ERCC6: variants seen among roughly 807,000 people sequenced by gnomAD.
The protein encoded by ERCC6 is DNA excision repair protein ERCC-6.
A neutral mutation model predicts 158.7 loss-of-function variants in ERCC6; 116 were observed. That is an observed-to-expected ratio of 0.73 (90% CI 0.63 to 0.85). The LOEUF (loss-of-function observed/expected upper bound fraction) is 0.85. ERCC6 is among the 40% of genes least tolerant of loss of function. The probability of loss-of-function intolerance (pLI) is 0.00; values close to 1 mark genes in which losing one functional copy is unlikely to be tolerated. For missense variants in ERCC6, 1,698 were observed against 1,799.4 expected (o/e 0.94, Z 1.02); for synonymous variants, 678 against 659.3 (o/e 1.03, Z -0.43).
the ERCC6 span, among the ~76,000 whole-genome samples, chr10:49,443,888 G>C: frequency 6.6e-6 from 1 of 152,164 alleles, no homozygotes; most frequent in Non-Finnish European, 1.5e-5. Flanking sequence ...CCTATGACAT[G>C]CTGCTCAGAA....
intron 15 of ERCC6, 147 bp downstream of exon 15, chr10:49,472,762 G>A: frequency 3.1e-6 from 3 of 967,112 alleles, no homozygotes; most frequent in Admixed American, 5.0e-5. Context: ...TCTGAAGGGT[G>A]TCTTCTTTCA....
At chr10:49,511,793 A>G (rs1376881882) in intron 5 of ERCC6, among the ~76,000 whole-genome samples, 2 of 152,174 alleles carry the variant, frequency 1.3e-5, no homozygotes, top group Non-Finnish European at 2.9e-5. Flanking sequence ...AGAGAACCCA[A>G]CAACAGACAC....
At chr10:49,437,049 TG>T in the ERCC6 span, among the ~76,000 whole-genome samples, 2 of 152,274 alleles carry the variant, frequency 1.3e-5, no homozygotes, top group South Asian at 2.1e-4. Context: ...GATTGAATCA[TG>T]GGGGGTGGTT....
At chr10:49,466,054 C>G (rs75226363) in intron 18 of ERCC6, among the ~76,000 whole-genome samples, 2,234 of 152,186 alleles carry the variant, frequency 0.015, 47 homozygotes, top group African/African-American at 0.05. Flanking sequence ...ATAGAGTCAA[C>G]AAGGATGGGA....
chr10:49,459,042 G>C lies in ERCC6; in HGVS notation c.4255C>G (p.Leu1419Val), dbSNP rs1458365578. The change falls in exon 21 of 21, where the codon CTG becomes GTG. Residue 1419 changes from leucine to valine, a missense_variant. Physicochemically the swap from Leu to Val is conservative, Grantham distance 32 (BLOSUM62 1). Transcript: ENST00000355832. ...AGGTCATCGTGTTCTGTGGTGGGCA[G>C]CAGGGCAGAAGCTTCCTGCAGGTGC... ...SGHLQEASAL[L>V]PTTEHDDLLV... 6.2e-7 allele frequency: 1 copy of C among 1,614,210 alleles called. No homozygotes were observed. The highest frequency in any genetic ancestry group is 2.2e-5 in the East Asian group (1 of 44,876).
chr10:49,496,653 T>A (rs989265569), intron 7 of ERCC6, among the ~76,000 whole-genome samples: 1 of 151,976 alleles, frequency 6.6e-6, no homozygotes, highest in Non-Finnish European at 1.5e-5. Context: ...ACCTAAACTA[T>A]AAAAATTAGC....
chr10:49,511,573 C>T (rs1459878107), intron 5 of ERCC6, among the ~76,000 whole-genome samples: 4 of 152,062 alleles, frequency 2.6e-5, no homozygotes, highest in African/African-American at 4.8e-5. Context: ...TACAGGCATG[C>T]GCCACCATGT....
At chr10:49,463,218 C>G (rs1313660619) in intron 18 of ERCC6, among the ~76,000 whole-genome samples, 1 of 152,160 alleles carries the variant, frequency 6.6e-6, no homozygotes, top group African/African-American at 2.4e-5. Context: ...CACACATAGC[C>G]TGAAGGTAAT....
Position 49,471,129 on chromosome 10 carries a change from A to G in ERCC6, c.2925-9T>C, listed in dbSNP as rs377708780. 25 of 1,613,482 alleles carry G rather than the reference A, an allele frequency of 1.5e-5. No individual in the cohort carries two copies. Among genetic ancestry groups the G allele is most frequent in the Admixed American group, 6.7e-5 (4 of 60,002 alleles). ...ACTGCTTGAAGATTTGTCTAAAAAA[A>G]TAAAAGATAAGCTGGTATAAAACAA... is the stretch of plus-strand genomic sequence containing the variant. On this transcript the variant is annotated splice_polypyrimidine_tract_variant and intron_variant, in intron 16 of 20. Transcript: ENST00000355832.
At chr10:49,511,252 T>C (rs775502652) in intron 5 of ERCC6, among the ~76,000 whole-genome samples, 5 of 152,116 alleles carry the variant, frequency 3.3e-5, no homozygotes, top group Non-Finnish European at 5.9e-5. Flanking sequence ...AGAAGCACCT[T>C]CTTATGAAAG....
chr10:49,498,159 C>A (rs1242741392), intron 7 of ERCC6, among the ~76,000 whole-genome samples: 1 of 152,088 alleles, frequency 6.6e-6, no homozygotes, highest in Non-Finnish European at 1.5e-5. Flanking sequence ...AACACACATA[C>A]AACACACATT....
chr10:49,530,585 AC>A, intron 3 of ERCC6, 134 bp downstream of exon 3: 1 of 1,419,756 alleles, frequency 7.0e-7, no homozygotes, highest in Non-Finnish European at 9.4e-7. Flanking sequence ...TACAAAAGAA[AC>A]CCAAAATTTC....
intron 13 of ERCC6, 108 bp downstream of exon 13, chr10:49,473,919 A>T: frequency 1.0e-6 from 1 of 994,724 alleles, no homozygotes; most frequent in Non-Finnish European, 1.6e-6. Context: ...CCTCAGCATC[A>T]GTGGTAGACT....
chr10:49,510,335 T>A (rs894151707), intron 5 of ERCC6, among the ~76,000 whole-genome samples: 3 of 152,132 alleles, frequency 2.0e-5, no homozygotes, highest in Non-Finnish European at 2.9e-5. Flanking sequence ...CACAGCTAGC[T>A]ACCACCGTGC....
chr10:49,460,513 T>C (rs1427361079), intron 19 of ERCC6, 62 bp from the exon 20 acceptor site: 3 of 1,134,040 alleles, frequency 2.6e-6, no homozygotes, highest in African/African-American at 1.5e-5. Context: ...GAGATCAAAA[T>C]ATTCTTTCAA....
chr10:49,449,484 C>G (rs1010717338), downstream of ERCC6, among the ~76,000 whole-genome samples: 10 of 149,636 alleles, frequency 6.7e-5, no homozygotes, highest in African/African-American at 1.7e-4. Context: ...TCTTAGAATG[C>G]TTGCCAAGCC....
Position 49,461,512 on chromosome 10 carries a change from C to T in ERCC6, c.3823G>A (p.Ala1275Thr). 1.2e-6 allele frequency: 2 copies of T among 1,614,126 alleles called. No homozygotes were observed. The highest frequency in any genetic ancestry group is 1.7e-6 in the Non-Finnish European group (2 of 1,180,000). The part of the protein sequence containing the change: ...VMKHDAIMDG[A>T]SPDYVLVEAE... Reference sequence around the variant, plus strand: ...TCCACCAGTACATAATCTGGGCTGGCTCCATCCATGATGGCATCGTGCTTC... The same window carrying T: ...TCCACCAGTACATAATCTGGGCTGGTTCCATCCATGATGGCATCGTGCTTC... Residue 1275 changes from alanine to threonine, a missense_variant, in exon 19 of 21, where the codon GCC (alanine) becomes ACC (threonine). Coordinates refer to ENST00000355832, the MANE Select transcript of ERCC6 (RefSeq NM_000124.4).
At chr10:49,528,014 T>C (rs149203330) in intron 4 of ERCC6, among the ~76,000 whole-genome samples, 1,955 of 152,326 alleles carry the variant, frequency 0.013, 41 homozygotes, top group African/African-American at 0.045. Context: ...AAACTGATGC[T>C]TGGAAAGCCT....
chr10:49,446,729 G>C, the ERCC6 span, among the ~76,000 whole-genome samples: 33 of 152,186 alleles, frequency 2.2e-4, no homozygotes, highest in Non-Finnish European at 3.8e-4. Flanking sequence ...AGTGAGCTAT[G>C]GTCAAAAGTT....
Sources: gnomAD v4.1 joint callset for allele counts (sites outside exome capture counted in the v4.1 genomes callset) on GRCh38, gnomAD v4.1.1 for gene constraint, MANE v1.5 for transcripts, NCBI Gene and HGNC (gene_info 2026-07-23, HGNC 2026-07-21) for gene names.